GALNT15: variants seen among roughly 807,000 people sequenced by gnomAD.
The protein encoded by GALNT15 is UDP-GalNAc transferase T15.
Under a neutral mutation model 66.8 loss-of-function variants are expected in GALNT15, and 67 were observed. The ratio of observed to expected loss-of-function variants is 1.00; its 90% CI spans 0.82 to 1.23. The LOEUF (loss-of-function observed/expected upper bound fraction) is 1.23, where lower values mean the gene tolerates loss of function less well. Among genes scored for constraint, GALNT15 ranks in the 50% most tolerant of loss-of-function variants. The probability of loss-of-function intolerance (pLI) is 0.00; values close to 1 mark genes in which losing one functional copy is unlikely to be tolerated. For missense variants in GALNT15, 827 were observed against 804.3 expected (o/e 1.03, Z -0.34); for synonymous variants, 313 against 311.5 (o/e 1.00, Z -0.05).
In GALNT15 at chr3:16,181,223, T is replaced by C. The variant is rs1450535612; in HGVS notation, c.539+5533T>C. 1.3e-5 allele frequency among the ~76,000 whole-genome samples: 2 copies of C among 152,198 alleles called. No homozygotes were observed. The highest frequency in any genetic ancestry group is 1.5e-5 in the Non-Finnish European group (1 of 68,036). On this transcript the variant is annotated intron_variant, in intron 1 of 9. Transcript: ENST00000339732. The surrounding 1 kb of genome is among the most constrained non-coding windows in gnomAD (Gnocchi z 5.9). The stretch of plus-strand genomic sequence containing the variant: ...TAAATGTGCAGGTACATTGGAATTA[T>C]CTGGAAAGTCTTAAAAACTATTCAT...
rs1261561853 is a variant in GALNT15, at chr3:16,204,340, T to G, written c.911+3517T>G. Among the ~76,000 whole-genome samples the G allele has an allele frequency of 6.6e-6, 1 of 152,200 alleles. No homozygotes were observed. The highest frequency in any genetic ancestry group is 1.5e-5 in the Non-Finnish European group (1 of 68,040). On this transcript the variant is annotated intron_variant, in intron 3 of 9. Coordinates refer to ENST00000339732, the MANE Select transcript of GALNT15 (RefSeq NM_054110.5). This position sits in a 1 kb window ranked among gnomAD's most constrained non-coding sequence, Gnocchi z 4.5. ...GAATAAGACATCTTAATGCCAACTG[T>G]CAGCAAGTTGTTGAAATAAAAATGC...
chr3:16,239,817 G>A, the GALNT15 span, among the ~76,000 whole-genome samples: 51 of 152,338 alleles, frequency 3.3e-4, no homozygotes, highest in African/African-American at 1.2e-3. The surrounding 1 kb of genome is among the most constrained non-coding windows in gnomAD (Gnocchi z 5.2). Flanking sequence ...CTTCCCATGG[G>A]ATATATGATG....
At chr3:16,226,457 G>T (rs1455532987) in intron 9 of GALNT15, among the ~76,000 whole-genome samples, 1 of 152,204 alleles carries the variant, frequency 6.6e-6, no homozygotes, top group African/African-American at 2.4e-5. Context: ...AAGCATGGCT[G>T]AGGAGGCCTC....
At position 16,183,074 on chromosome 3, in the gene GALNT15, A is replaced by C. The variant is rs1447028683; in HGVS notation, c.539+7384A>C. 6.6e-6 allele frequency: 1 copy of C among 152,254 alleles called. No homozygotes were observed. Among genetic ancestry groups the C allele is most frequent in the African/African-American group, 2.4e-5 (1 of 41,436 alleles). 9.4% of individuals were successfully genotyped at this position (152,254 alleles called of 1,614,324 possible). A position where few individuals can be genotyped will look rare whatever the true frequency, so the allele number is the denominator to read the frequency against. ...GTCAGTGTTCAGACCAGTGACTCCC[A>C]GTGTGTGCCTGTCTCTGGTTCAGAG... On this transcript the variant is annotated intron_variant, in intron 1 of 9. Transcript: ENST00000339732. The surrounding 1 kb of genome is among the most constrained non-coding windows in gnomAD (Gnocchi z 5.2).
rs953474927 is a variant in GALNT15, at chr3:16,229,727, A to C, written c.*2227A>C. On this transcript the variant is annotated 3_prime_UTR_variant, in exon 10 of 10. Transcript: ENST00000339732. The stretch of plus-strand genomic sequence containing the variant: ...TGGGATAAATTAATATAATTAAATA[A>C]AAGACTGAATTTAATTGCATAAATT... 2 of 977,668 alleles carry C rather than the reference A, an allele frequency of 2.0e-6. No homozygotes were observed. The highest frequency in any genetic ancestry group is 3.5e-5 in the African/African-American group (2 of 57,082). 60.6% of individuals were successfully genotyped at this position (977,668 alleles called of 1,614,324 possible). A position where few individuals can be genotyped will look rare whatever the true frequency, so the allele number is the denominator to read the frequency against.
rs549880452 is a variant in GALNT15, at chr3:16,175,729, G to A, written c.539+39G>A. 2.0e-6 allele frequency: 3 copies of A among 1,511,056 alleles called. No individual in the cohort carries two copies. The Admixed American group carries it at 6.5e-5, about 33-fold the overall frequency. 93.6% of individuals were successfully genotyped at this position (1,511,056 alleles called of 1,614,324 possible). A position where few individuals can be genotyped will look rare whatever the true frequency, so the allele number is the denominator to read the frequency against. Reference sequence around the variant, plus strand: ...TTGTTTTCCCTTCCCTGATCCCAGGGCATGATCGGGTGGTAGCAAACTCGG... The same window carrying A: ...TTGTTTTCCCTTCCCTGATCCCAGGACATGATCGGGTGGTAGCAAACTCGG... On this transcript the variant is annotated intron_variant, in intron 1 of 9. Transcript: ENST00000339732. This position sits in a 1 kb window ranked among gnomAD's most constrained non-coding sequence, Gnocchi z 5.6.
rs1283011667 is a variant in GALNT15, at chr3:16,200,947, C to T, written c.911+124C>T. 2.9e-6 allele frequency: 2 copies of T among 691,032 alleles called. No individual in the cohort carries two copies. The highest frequency in any genetic ancestry group is 1.9e-5 in the African/African-American group (1 of 53,546). 42.8% of individuals were successfully genotyped at this position (691,032 alleles called of 1,614,324 possible). A position where few individuals can be genotyped will look rare whatever the true frequency, so the allele number is the denominator to read the frequency against. On this transcript the variant is annotated intron_variant, in intron 3 of 9. Coordinates refer to ENST00000339732, the MANE Select transcript of GALNT15 (RefSeq NM_054110.5). This position sits in a 1 kb window ranked among gnomAD's most constrained non-coding sequence, Gnocchi z 4.4. Reference sequence around the variant, plus strand: ...ATCTCCATTAGAGAGTGATATATTCCCTTCGGGTTTTCAGATGTGTAAGTT... The same window carrying T: ...ATCTCCATTAGAGAGTGATATATTCTCTTCGGGTTTTCAGATGTGTAAGTT...
At chr3:16,185,430 G>C (rs564519203) in intron 1 of GALNT15, among the ~76,000 whole-genome samples, 2 of 152,154 alleles carry the variant, frequency 1.3e-5, no homozygotes, top group Non-Finnish European at 2.9e-5. Flanking sequence ...CAAGTGACAG[G>C]GGGACAACAT....
downstream of GALNT15, among the ~76,000 whole-genome samples, chr3:16,236,776 A>T (rs2064127708): frequency 6.6e-6 from 1 of 152,230 alleles, no homozygotes; most frequent in Admixed American, 6.5e-5. Context: ...TAAAACATTG[A>T]CACTGTAGTC....
intron 3 of GALNT15, among the ~76,000 whole-genome samples, chr3:16,206,589 C>T (rs1375236367): frequency 5.6e-5 from 8 of 142,084 alleles, no homozygotes; most frequent in South Asian, 2.3e-4. Flanking sequence ...AGGAGAATGG[C>T]GTGAACCTGG....
the GALNT15 span, among the ~76,000 whole-genome samples, chr3:16,240,699 C>T: frequency 5.9e-5 from 9 of 152,146 alleles, no homozygotes; most frequent in African/African-American, 1.9e-4. Context: ...GCCTTGACTC[C>T]AACCATGAAC....
chr3:16,189,489 G>C lies in GALNT15; in HGVS notation c.540-6271G>C, dbSNP rs896135251. Among the ~76,000 whole-genome samples, 6 of 152,208 alleles carry C rather than the reference G, an allele frequency of 3.9e-5. No individual in the cohort carries two copies. Among genetic ancestry groups the C allele is most frequent in the Non-Finnish European group, 7.3e-5 (5 of 68,036 alleles). On this transcript the variant is annotated intron_variant, in intron 1 of 9. Coordinates refer to ENST00000339732, the MANE Select transcript of GALNT15 (RefSeq NM_054110.5). This position sits in a 1 kb window ranked among gnomAD's most constrained non-coding sequence, Gnocchi z 5.1. ...TGCTATGTTGAAGGACATCCTCAGA[G>C]ACATGTTCAGACAATACCAGAAGCC...
In GALNT15 at chr3:16,211,194, T is replaced by A; in HGVS notation, c.1150T>A (p.Ser384Thr). The A allele has an allele frequency of 6.2e-7, 1 of 1,613,936 alleles. No homozygotes were observed. Among genetic ancestry groups the A allele is most frequent in the Non-Finnish European group, 8.5e-7 (1 of 1,179,852 alleles). The change falls in exon 5 of 10, where the codon TCT becomes ACT. Residue 384 changes from serine (S) to threonine (T), a missense_variant. Ser to Thr is a moderately conservative substitution (Grantham distance 58). Coordinates refer to ENST00000339732, the MANE Select transcript of GALNT15 (RefSeq NM_054110.5). The surrounding 1 kb of genome is among the most constrained non-coding windows in gnomAD (Gnocchi z 4.3). ...HYFQNTGAYD[S>T]LMSLRGGENL... The stretch of plus-strand genomic sequence containing the variant: ...CTTCCAAAACACTGGAGCGTATGAC[T>A]CTCTTATGTCGCTGCGAGGTGGTGA...
Position 16,211,273 on chromosome 3 carries a change from G to T in GALNT15, c.1197+32G>T. 1 of 1,392,260 alleles carries T rather than the reference G, an allele frequency of 7.2e-7. No homozygotes were observed. The allele number at this position is 1,392,260 out of a possible 1,614,324, so 86.2% of individuals were successfully genotyped here. On this transcript the variant is annotated intron_variant, in intron 5 of 9. Coordinates refer to ENST00000339732, the MANE Select transcript of GALNT15 (RefSeq NM_054110.5). This position sits in a 1 kb window ranked among gnomAD's most constrained non-coding sequence, Gnocchi z 4.3. Reference sequence around the variant, plus strand: ...CCTGGACCAAGGGAGGACAGAGGTGGGATCTCTGGAGTGGTGTGTATGGTC... The same window carrying T: ...CCTGGACCAAGGGAGGACAGAGGTGTGATCTCTGGAGTGGTGTGTATGGTC...
downstream of GALNT15, among the ~76,000 whole-genome samples, chr3:16,233,094 C>CTGTTTTTTTTTTTTTTT (rs2064099683): frequency 1.6e-5 from 1 of 61,208 alleles, no homozygotes; most frequent in African/African-American, 6.6e-5. Context: ...GATAATGCAT[C>CTGTTTTTTTTTTTTTTT]TTTTTTTTTT....
In GALNT15 at chr3:16,223,150, G is replaced by C. The variant is rs569043558; in HGVS notation, c.1773+392G>C. 2.6e-5 allele frequency among the ~76,000 whole-genome samples: 4 copies of C among 152,258 alleles called. No homozygotes were observed. In the South Asian group the frequency reaches 8.3e-4, roughly 32 times the overall value. ...TCCCTCCCCCCACCAAGAAACTTTA[G>C]ATACAGATGTAGATGTAAATATATA... is the stretch of plus-strand genomic sequence containing the variant. On this transcript the variant is annotated intron_variant, in intron 9 of 9. Transcript: ENST00000339732.
At chr3:16,244,394 C>T in the GALNT15 span, among the ~76,000 whole-genome samples, 1 of 152,220 alleles carries the variant, frequency 6.6e-6, no homozygotes, top group Non-Finnish European at 1.5e-5. Flanking sequence ...CAGGGGCAGA[C>T]TCTGCTGCTG....
downstream of GALNT15, among the ~76,000 whole-genome samples, chr3:16,231,448 T>C (rs2064080732): frequency 1.3e-5 from 2 of 152,216 alleles, no homozygotes; most frequent in African/African-American, 4.8e-5. The surrounding 1 kb of genome is among the most constrained non-coding windows in gnomAD (Gnocchi z 4.1). Context: ...GGATCTTTGC[T>C]GGAGTAGTAG....
rs1409541165 is a variant in GALNT15 at position 16,209,047 on chromosome 3, G to C, written c.1079+377G>C. The stretch of plus-strand genomic sequence containing the variant: ...TGGCCCAGCTCTCTCATCAGGTACA[G>C]TGTGAATTCCTCAGGTCTCGTCTTA... On this transcript the variant is annotated intron_variant, in intron 4 of 9. Coordinates refer to ENST00000339732, the MANE Select transcript of GALNT15 (RefSeq NM_054110.5). The surrounding 1 kb of genome is among the most constrained non-coding windows in gnomAD (Gnocchi z 4.1). Among the ~76,000 whole-genome samples the C allele has an allele frequency of 6.6e-6, 1 of 152,212 alleles. No individual in the cohort carries two copies. The highest frequency in any genetic ancestry group is 1.5e-5 in the Non-Finnish European group (1 of 68,028).
Sources: gnomAD v4.1 joint callset for allele counts (sites outside exome capture counted in the v4.1 genomes callset) on GRCh38, gnomAD v4.1.1 for gene constraint, Gnocchi (gnomAD v3.1) non-coding constraint, MANE v1.5 for transcripts, NCBI Gene and HGNC (gene_info 2026-07-23, HGNC 2026-07-21) for gene names.